Variants in LYPD6B observed in about 807,000 individuals in gnomAD.
LYPD6B encodes the protein LY6/PLAUR domain containing 6B, also known as ly6/PLAUR domain-containing protein 6B.
A neutral mutation model predicts 22.8 loss-of-function variants in LYPD6B; 17 were observed. The ratio of observed to expected loss-of-function variants is 0.75; its 90% CI spans 0.51 to 1.12. The LOEUF is 1.12. Ranked by LOEUF, LYPD6B falls within the 50% of genes most tolerant of loss-of-function variation. The pLI, the probability that LYPD6B is intolerant of heterozygous loss-of-function variation, is 0.00. For synonymous variants in LYPD6B, 106 were observed against 91.6 expected (o/e 1.16, Z -0.90); for missense variants, 221 against 258.3 (o/e 0.86, Z 0.99).
chr2:149,212,945 G>T, intron 5 of LYPD6B, 47 bp from the exon 6 acceptor site: 2 of 1,588,174 alleles, frequency 1.3e-6, no homozygotes, highest in South Asian at 2.3e-5. Context: ...TATGGATATT[G>T]AAATTACCTT....
intron 1 of LYPD6B, among the ~76,000 whole-genome samples, chr2:149,040,521 C>T (rs547240037): frequency 2.6e-5 from 4 of 152,186 alleles, no homozygotes; most frequent in East Asian, 1.9e-4. Context: ...CCACTGCACC[C>T]GGCCCCTTAT....
intron 2 of LYPD6B, among the ~76,000 whole-genome samples, chr2:149,151,574 A>G (rs1327012197): frequency 6.6e-6 from 1 of 152,154 alleles, no homozygotes; most frequent in African/African-American, 2.4e-5. Context: ...TTTCAACCTA[A>G]GATTCACCGC....
At chr2:149,145,456 G>A (rs1310609628) in intron 2 of LYPD6B, among the ~76,000 whole-genome samples, 1 of 152,062 alleles carries the variant, frequency 6.6e-6, no homozygotes, top group African/African-American at 2.4e-5. Flanking sequence ...AAACAGAAGT[G>A]AGACACAGGG....
chr2:149,101,831 A>G (rs910883795), intron 1 of LYPD6B, among the ~76,000 whole-genome samples: 2 of 152,238 alleles, frequency 1.3e-5, no homozygotes, highest in African/African-American at 4.8e-5. Flanking sequence ...TCAATGAGAT[A>G]TCAGAGGCAG....
At chr2:149,183,863 G>GTGTGTGTA (rs1553498942) in intron 3 of LYPD6B, among the ~76,000 whole-genome samples, 2 of 148,688 alleles carry the variant, frequency 1.3e-5, no homozygotes, top group Admixed American at 6.7e-5. Context: ...GTGTGTGTGT[G>GTGTGTGTA]TATATATATA....
intron 1 of LYPD6B, among the ~76,000 whole-genome samples, chr2:149,057,372 C>T (rs1042143427): frequency 2.7e-5 from 4 of 150,382 alleles, no homozygotes; most frequent in African/African-American, 9.7e-5. Context: ...TAGTCTCCCA[C>T]CCTGACCCTG....
Position 149,201,224 on chromosome 2 carries a change from AACATGTCTAG to A in LYPD6B, c.78-4025_78-4016del, listed in dbSNP as rs1219751798. ...TTTGAGATACTCCACCCAGAGGGAA[AACATGTCTAG>A]ACACATAATTTTGCAAATAACCTGA... On this transcript the variant is annotated intron_variant, in intron 3 of 6. Transcript: ENST00000409642. Among the ~76,000 whole-genome samples, 3 of 152,190 alleles carry A rather than the reference AACATGTCTAG, an allele frequency of 2.0e-5. No individual in the cohort carries two copies. In the East Asian group the frequency reaches 5.8e-4, roughly 29 times the overall value.
chr2:149,193,074 G>A (rs1286168553), intron 3 of LYPD6B, among the ~76,000 whole-genome samples: 1 of 152,104 alleles, frequency 6.6e-6, no homozygotes, highest in Non-Finnish European at 1.5e-5. Flanking sequence ...TGTGAGCTGG[G>A]CATCGGGTAC....
chr2:149,114,917 G>A (rs1686928271), intron 1 of LYPD6B, among the ~76,000 whole-genome samples: 1 of 152,090 alleles, frequency 6.6e-6, no homozygotes, highest in Non-Finnish European at 1.5e-5. Flanking sequence ...AAGCTGGAAG[G>A]CAATCCTCAC....
At chr2:149,178,170 C>G (rs544325384) in intron 3 of LYPD6B, among the ~76,000 whole-genome samples, 17 of 152,164 alleles carry the variant, frequency 1.1e-4, no homozygotes, top group Admixed American at 2.6e-4. Context: ...ACTCGTGTTC[C>G]ATTAGGGGCC....
At chr2:149,192,419 C>CT (rs11369954) in intron 3 of LYPD6B, among the ~76,000 whole-genome samples, 18,546 of 125,154 alleles carry the variant, frequency 0.15, 1,398 homozygotes, top group African/African-American at 0.22. Context: ...AGGGGCAAGT[C>CT]TTTTTTTTTT....
intron 3 of LYPD6B, among the ~76,000 whole-genome samples, chr2:149,172,685 G>A (rs941025328): frequency 2.0e-5 from 3 of 152,124 alleles, no homozygotes; most frequent in Non-Finnish European, 4.4e-5. Flanking sequence ...GAAGAGATGA[G>A]CTAAACTTTA....
At chr2:149,095,315 A>C (rs1322603246) in intron 1 of LYPD6B, among the ~76,000 whole-genome samples, 1 of 152,184 alleles carries the variant, frequency 6.6e-6, no homozygotes, top group Non-Finnish European at 1.5e-5. Context: ...AAAATAAAAT[A>C]AAATAAAGGC....
chr2:149,083,960 A>AC (rs1031632744), intron 1 of LYPD6B, among the ~76,000 whole-genome samples: 11 of 151,600 alleles, frequency 7.3e-5, no homozygotes, highest in African/African-American at 2.7e-4. Flanking sequence ...AAACAAACAA[A>AC]AAAAAACCGG....
intron 2 of LYPD6B, among the ~76,000 whole-genome samples, chr2:149,158,862 AAT>A (rs1689871784): frequency 6.6e-6 from 1 of 152,200 alleles, no homozygotes; most frequent in African/African-American, 2.4e-5. Context: ...ACTAATCAGC[AAT>A]AGAGAAAACT....
chr2:149,049,784 T>G (rs913794376), intron 1 of LYPD6B, among the ~76,000 whole-genome samples: 2 of 152,096 alleles, frequency 1.3e-5, no homozygotes, highest in African/African-American at 4.8e-5. Flanking sequence ...ATCAAACAGG[T>G]GGTCAGGAAA....
At chr2:149,120,371 A>ATATG (rs1266215119) in intron 1 of LYPD6B, among the ~76,000 whole-genome samples, 5 of 29,670 alleles carry the variant, frequency 1.7e-4, no homozygotes, top group African/African-American at 8.1e-4. Flanking sequence ...GTATATATAT[A>ATATG]TATATATATA....
chr2:149,186,645 C>A (rs1692126200), intron 3 of LYPD6B, among the ~76,000 whole-genome samples: 1 of 152,180 alleles, frequency 6.6e-6, no homozygotes, highest in South Asian at 2.1e-4. Flanking sequence ...CACTCTGTCA[C>A]TCAGGCTGGA....
chr2:149,076,115 G>A (rs1282780783), intron 1 of LYPD6B, among the ~76,000 whole-genome samples: 1 of 152,120 alleles, frequency 6.6e-6, no homozygotes, highest in Admixed American at 6.6e-5. Flanking sequence ...AATGGGTTTT[G>A]AATATCGGAA....
Sources: allele counts gnomAD v4.1 joint callset (sites outside exome capture counted in the v4.1 genomes callset), GRCh38; gene constraint gnomAD v4.1.1; transcripts MANE v1.5; gene names NCBI Gene and HGNC (gene_info 2026-07-23, HGNC 2026-07-21).